Variants in TTC38 observed in about 807,000 individuals in gnomAD.
The protein encoded by TTC38 is tetratricopeptide repeat protein 38.
A neutral mutation model predicts 64.2 loss-of-function variants in TTC38; 64 were observed. That is an observed-to-expected ratio of 1.00 (90% CI 0.81 to 1.23). The LOEUF (loss-of-function observed/expected upper bound fraction) is 1.23. Ranked by LOEUF, TTC38 falls within the 50% of genes most tolerant of loss-of-function variation. TTC38 has a pLI of 0.00. For missense variants in TTC38, 573 were observed against 615.5 expected (o/e 0.93, Z 0.73); for synonymous variants, 254 against 249.3 (o/e 1.02, Z -0.18).
chr22:46,288,097 T>C (rs551436027), intron 10 of TTC38, among the ~76,000 whole-genome samples: 9 of 152,180 alleles, frequency 5.9e-5, no homozygotes, highest in Non-Finnish European at 1.0e-4. Context: ...GGGGGATCCA[T>C]TGGGAAGCCA....
rs959217914 is a variant in TTC38 at position 46,282,504 on chromosome 22, C to T, written c.735+786C>T. Among the ~76,000 whole-genome samples the T allele has an allele frequency of 2.1e-4, 32 of 152,222 alleles. No homozygotes were observed. The highest frequency in any genetic ancestry group is 4.4e-4 in the Non-Finnish European group (30 of 68,032). On this transcript the variant is annotated intron_variant, in intron 7 of 13. Coordinates refer to ENST00000381031, the MANE Select transcript of TTC38 (RefSeq NM_017931.4). The surrounding 1 kb of genome is among the most constrained non-coding windows in gnomAD (Gnocchi z 4.4). The stretch of plus-strand genomic sequence containing the variant: ...CCTGGGACAGGGACACAGCGTCGCT[C>T]ACTCAGCGTTTACTGAATACCTGCT...
rs543828626 is a variant in TTC38 at position 46,270,552 on chromosome 22, G to A, written c.112-1783G>A. Among the ~76,000 whole-genome samples the A allele has an allele frequency of 2.0e-5, 3 of 152,118 alleles. No individual in the cohort carries two copies. The highest frequency in any genetic ancestry group is 4.1e-4 in the South Asian group (2 of 4,828). Reference sequence around the variant, plus strand: ...AGCAAATTGTTAAAAATGATGATGCGCTGGGCGCGGTGACTCACGCCTGTA... The same window carrying A: ...AGCAAATTGTTAAAAATGATGATGCACTGGGCGCGGTGACTCACGCCTGTA... On this transcript the variant is annotated intron_variant, in intron 2 of 13. Coordinates refer to ENST00000381031, the MANE Select transcript of TTC38 (RefSeq NM_017931.4). This position sits in a 1 kb window ranked among gnomAD's most constrained non-coding sequence, Gnocchi z 4.7.
In TTC38 at chr22:46,282,192, C is replaced by A; in HGVS notation, c.735+474C>A. On this transcript the variant is annotated intron_variant, in intron 7 of 13. Transcript: ENST00000381031. The surrounding 1 kb of genome is among the most constrained non-coding windows in gnomAD (Gnocchi z 4.4). ...AGGGGGAAGATGGAGGGCATCCTAG[C>A]CCGTCACTAGCTTGAGCAAGGCCTC... The A allele has an allele frequency of 9.0e-6, 3 of 334,916 alleles. No homozygotes were observed. Among genetic ancestry groups the A allele is most frequent in the South Asian group, 6.7e-5 (3 of 45,006 alleles). 20.7% of individuals were successfully genotyped at this position (334,916 alleles called of 1,614,324 possible).
chr22:46,288,853 G>A (rs892343074), intron 11 of TTC38, among the ~76,000 whole-genome samples: 6 of 152,200 alleles, frequency 3.9e-5, no homozygotes, highest in South Asian at 4.1e-4. Flanking sequence ...TATGAGATCC[G>A]CAGGGTCACA....
At chr22:46,283,913 TG>T (rs2077552787) in intron 7 of TTC38, 59 bp from the exon 8 acceptor site, 1 of 1,194,878 alleles carries the variant, frequency 8.4e-7, no homozygotes, top group Non-Finnish European at 1.2e-6. Context: ...AAACAACATT[TG>T]TTTTTTTCCC....
At chr22:46,277,407 C>T (rs1176207154) in intron 5 of TTC38, among the ~76,000 whole-genome samples, 1 of 152,024 alleles carries the variant, frequency 6.6e-6, no homozygotes, top group Non-Finnish European at 1.5e-5. Context: ...GAGTTTGAGG[C>T]CAGCCTGGCC....
rs1489867887 is a variant in TTC38 at position 46,275,156 on chromosome 22, C to T, written c.366-92C>T. ...TTTTAAAAAAACACATCCATGTAGA[C>T]CATGACACTGGTGAGAAACAATGCC... On this transcript the variant is annotated intron_variant, in intron 4 of 13. Transcript: ENST00000381031. This position sits in a 1 kb window ranked among gnomAD's most constrained non-coding sequence, Gnocchi z 4.5. 4 of 1,262,646 alleles carry T rather than the reference C, an allele frequency of 3.2e-6. No individual in the cohort carries two copies. In the Admixed American group the frequency reaches 8.5e-5, roughly 27 times the overall value. The allele number at this position is 1,262,646 out of a possible 1,614,324, so 78.2% of individuals were successfully genotyped here.
intron 6 of TTC38, chr22:46,280,266 C>T: frequency 2.2e-6 from 1 of 462,930 alleles, no homozygotes; most frequent in Non-Finnish European, 4.5e-6. Flanking sequence ...ACCTGGAGCT[C>T]CATCCAAGTG....
chr22:46,277,290 G>A (rs550987923), intron 5 of TTC38, among the ~76,000 whole-genome samples: 14 of 152,096 alleles, frequency 9.2e-5, no homozygotes, highest in African/African-American at 3.1e-4. Context: ...CTAGATACTC[G>A]GGTGCGCAGT....
chr22:46,268,419 A>C, intron 1 of TTC38, 95 bp from the exon 2 acceptor site: 1 of 1,301,234 alleles, frequency 7.7e-7, no homozygotes, highest in Non-Finnish European at 1.1e-6. Flanking sequence ...CAGATGAGGA[A>C]GGTGGAGGTC....
intron 1 of TTC38, 84 bp from the exon 2 acceptor site, chr22:46,268,430 A>C: frequency 7.0e-7 from 1 of 1,424,880 alleles, no homozygotes; most frequent in Non-Finnish European, 9.8e-7. Flanking sequence ...GGTGGAGGTC[A>C]GAGGGGCCAG....
At position 46,272,301 on chromosome 22, in the gene TTC38, T is replaced by TC. The variant is rs750813517; in HGVS notation, c.112-32dup. The TC allele has an allele frequency of 1.3e-6, 2 of 1,569,526 alleles. No homozygotes were observed. The highest frequency in any genetic ancestry group is 1.7e-5 in the Admixed American group (1 of 59,778). On this transcript the variant is annotated intron_variant, in intron 2 of 13. Coordinates refer to ENST00000381031, the MANE Select transcript of TTC38 (RefSeq NM_017931.4). This position sits in a 1 kb window ranked among gnomAD's most constrained non-coding sequence, Gnocchi z 6.4. ...ACCTTTGTTAGAATGATCCAAGGGC[T>TC]CCGTGAGGACTTGTTTTGCTTTTCC... is the stretch of plus-strand genomic sequence containing the variant.
At chr22:46,285,360 C>G in intron 9 of TTC38, 81 bp downstream of exon 9, 2 of 1,329,364 alleles carry the variant, frequency 1.5e-6, no homozygotes, top group Middle Eastern at 1.8e-4. Flanking sequence ...TTGAGTTCAT[C>G]AGGATTGTCC....
intron 9 of TTC38, among the ~76,000 whole-genome samples, chr22:46,286,263 AC>A (rs1424178231): frequency 6.6e-6 from 1 of 152,156 alleles, no homozygotes; most frequent in African/African-American, 2.4e-5. Context: ...AAAGCCTGGG[AC>A]CACAGAAATG....
In TTC38 at chr22:46,293,168, TGTGTCTA is replaced by T. The variant is rs1161820466; in HGVS notation, c.*285_*291del. ...TTGCAAATTCTGTTTCCCAGGGGAA[TGTGTCTA>T]CTGCCTGGTGGTTCAAAGGTTGGAA... On this transcript the variant is annotated 3_prime_UTR_variant, in exon 14 of 14. Transcript: ENST00000381031. The surrounding 1 kb of genome is among the most constrained non-coding windows in gnomAD (Gnocchi z 6.6). 2.5e-6 allele frequency: 1 copy of T among 405,420 alleles called. No individual in the cohort carries two copies. The highest frequency in any genetic ancestry group is 4.6e-6 in the Non-Finnish European group (1 of 215,360). 25.1% of individuals were successfully genotyped at this position (405,420 alleles called of 1,614,324 possible).
In TTC38 at chr22:46,272,064, T is replaced by C. The variant is rs1268469206; in HGVS notation, c.112-271T>C. ...TGGAGTGCAGTGGCACAATCTTGGC[T>C]CATTGCAACCTCAGCCCCCGGGTTC... On this transcript the variant is annotated intron_variant, in intron 2 of 13. Coordinates refer to ENST00000381031, the MANE Select transcript of TTC38 (RefSeq NM_017931.4). The surrounding 1 kb of genome is among the most constrained non-coding windows in gnomAD (Gnocchi z 6.4). 6.6e-6 allele frequency among the ~76,000 whole-genome samples: 1 copy of C among 152,174 alleles called. No individual in the cohort carries two copies. The highest frequency in any genetic ancestry group is 2.4e-5 in the African/African-American group (1 of 41,430).
chr22:46,281,560 C>G lies in TTC38; in HGVS notation c.616-39C>G. The G allele has an allele frequency of 1.3e-6, 2 of 1,597,034 alleles. No homozygotes were observed. Among genetic ancestry groups the G allele is most frequent in the Non-Finnish European group, 1.7e-6 (2 of 1,168,292 alleles). ...CGCCTGCCCCGGCAGCCTGACTGAT[C>G]TGCTTTATCTGGAATCCTCTTCCCC... is the stretch of plus-strand genomic sequence containing the variant. On this transcript the variant is annotated intron_variant, in intron 6 of 13. Transcript: ENST00000381031. This position sits in a 1 kb window ranked among gnomAD's most constrained non-coding sequence, Gnocchi z 5.2.
chr22:46,289,676 GTC>G (rs2077598813), intron 12 of TTC38, 115 bp downstream of exon 12: 6 of 1,452,242 alleles, frequency 4.1e-6, no homozygotes, highest in Non-Finnish European at 4.8e-6. Flanking sequence ...GTGTGAACGT[GTC>G]TCTCACACTC....
chr22:46,273,918 A>G lies in TTC38; in HGVS notation c.214A>G (p.Thr72Ala). ...ACCAGTGATGGGCCACGCCATGGCT[A>G]CTGGCCTTGTGCTGATTGGCACTGG... ...PTFVMGHAMATGLVLIGTGSS... is the reference protein window; with the variant it reads ...PTFVMGHAMAAGLVLIGTGSS... The change falls in exon 4 of 14, where the codon ACT becomes GCT. Residue 72 changes from threonine to alanine, a missense_variant. Thr to Ala is a moderately conservative substitution (Grantham distance 58). Transcript: ENST00000381031. This position sits in a 1 kb window ranked among gnomAD's most constrained non-coding sequence, Gnocchi z 5.1. 1 of 1,614,228 alleles carries G rather than the reference A, an allele frequency of 6.2e-7. No homozygotes were observed. The highest frequency in any genetic ancestry group is 8.5e-7 in the Non-Finnish European group (1 of 1,180,028).
Sources: gnomAD v4.1 joint callset for allele counts (sites outside exome capture counted in the v4.1 genomes callset) on GRCh38, gnomAD v4.1.1 for gene constraint, Gnocchi (gnomAD v3.1) non-coding constraint, MANE v1.5 for transcripts, NCBI Gene and HGNC (gene_info 2026-07-23, HGNC 2026-07-21) for gene names.